The following DNAH5 variants were observed in gnomAD, a reference collection of about 807,000 sequenced individuals.
The protein encoded by DNAH5 is dynein axonemal heavy chain 5.
A neutral mutation model predicts 518.2 loss-of-function variants in DNAH5; 372 were observed. The observed-to-expected ratio is 0.72, with a 90% confidence interval of 0.66 to 0.78. DNAH5 has a LOEUF of 0.78. DNAH5 is among the 30% of genes least tolerant of loss of function. The pLI, the probability that DNAH5 is intolerant of heterozygous loss-of-function variation, is 0.00. For synonymous variants in DNAH5, 2,039 were observed against 2,025.9 expected (o/e 1.01, Z -0.17); for missense variants, 5,523 against 5,687.0 (o/e 0.97, Z 0.93).
Position 13,708,261 on chromosome 5 carries a change from C to T in DNAH5, c.13200G>A (p.Met4400Ile), listed in dbSNP as rs745462884. ...TGCGGACAAGGCTGAGTACCCTTTG[C>T]ATTCTGTCTATTTCCTGCCTGAGGA... ...NIFLRQEIDR[M>I]QRVLSLVRST... The change falls in exon 76 of 79, where the codon ATG (methionine) becomes ATA (isoleucine). Residue 4400 changes from methionine (M) to isoleucine (I), a missense_variant. By Grantham distance (10) the Met-to-Ile change is conservative (BLOSUM62 1). This residue lies in a region of DNAH5 where 387 missense variants were observed against 430.0 expected (regional missense o/e 0.90). Coordinates refer to ENST00000265104, the MANE Select transcript of DNAH5 (RefSeq NM_001369.3). The T allele has an allele frequency of 1.1e-5, 17 of 1,614,126 alleles. No individual in the cohort carries two copies. The highest frequency in any genetic ancestry group is 1.4e-5 in the Non-Finnish European group (17 of 1,180,006).
chr5:13,815,654 A>G (rs1471874246), intron 42 of DNAH5, among the ~76,000 whole-genome samples: 3 of 152,190 alleles, frequency 2.0e-5, no homozygotes, highest in Non-Finnish European at 4.4e-5. Flanking sequence ...ATCACGTTCC[A>G]GGAACAGTAA....
In DNAH5 at chr5:13,776,628, T is replaced by C. The variant is rs1044335313; in HGVS notation, c.9184A>G (p.Arg3062Gly). ...LASVMKKEFP[R>G]CLPTNENLHD... The stretch of plus-strand genomic sequence containing the variant: ...AGGTTCTCATTGGTAGGAAGGCACC[T>C]GGGGAATTCTTTTTTCATGACTGAT... Residue 3062 changes from arginine (R) to glycine (G), a missense_variant, in exon 55 of 79, where the codon AGG (arginine) becomes GGG (glycine). Physicochemically the swap from Arg to Gly is moderately radical, Grantham distance 125 (BLOSUM62 -2). Coordinates refer to ENST00000265104, the MANE Select transcript of DNAH5 (RefSeq NM_001369.3). 1 of 1,613,796 alleles carries C rather than the reference T, an allele frequency of 6.2e-7. No individual in the cohort carries two copies. The highest frequency in any genetic ancestry group is 1.3e-5 in the African/African-American group (1 of 74,894).
At chr5:13,779,766 C>T (rs1166344386) in intron 53 of DNAH5, among the ~76,000 whole-genome samples, 1 of 152,166 alleles carries the variant, frequency 6.6e-6, no homozygotes, top group Non-Finnish European at 1.5e-5. Flanking sequence ...AAGCCAGAAA[C>T]CAGGATGCAC....
In DNAH5 at chr5:13,714,526, G is replaced by T; in HGVS notation, c.13004C>A (p.Thr4335Asn). The T allele has an allele frequency of 1.9e-6, 3 of 1,614,142 alleles. No individual in the cohort carries two copies. Among genetic ancestry groups the T allele is most frequent in the Non-Finnish European group, 2.5e-6 (3 of 1,180,014 alleles). Residue 4335 changes from threonine to asparagine, a missense_variant, in exon 75 of 79, where the codon ACC (threonine) becomes AAC (asparagine). Thr to Asn is a moderately conservative substitution (Grantham distance 65). This residue lies in a region of DNAH5 where 387 missense variants were observed against 430.0 expected (regional missense o/e 0.90). Coordinates refer to ENST00000265104, the MANE Select transcript of DNAH5 (RefSeq NM_001369.3). ...GTCCTTGGGTTGGATGCCTAGGATGGTGTCCAGCACGTCCTTGGCCAGCTT... is the reference window on the plus strand; with the variant it reads ...GTCCTTGGGTTGGATGCCTAGGATGTTGTCCAGCACGTCCTTGGCCAGCTT... ...QSKLAKDVLD[T>N]ILGIQPKDTS...
intron 7 of DNAH5, among the ~76,000 whole-genome samples, chr5:13,917,817 T>C (rs756679023): frequency 2.6e-4 from 40 of 152,234 alleles, no homozygotes; most frequent in Non-Finnish European, 5.1e-4. Context: ...ATTTCTGAAC[T>C]GTATTGCAAG....
At chr5:13,789,733 C>CA (rs1220437169) in intron 50 of DNAH5, among the ~76,000 whole-genome samples, 1 of 152,022 alleles carries the variant, frequency 6.6e-6, no homozygotes. Flanking sequence ...AAATAAGCAT[C>CA]AAAAATGGCT....
At chr5:13,746,252 G>A (rs1749316999) in intron 65 of DNAH5, among the ~76,000 whole-genome samples, 1 of 152,056 alleles carries the variant, frequency 6.6e-6, no homozygotes, top group Non-Finnish European at 1.5e-5. Flanking sequence ...AGAGAGGATG[G>A]GTTGAGACAG....
chr5:13,949,085 T>G (rs912042713), upstream of DNAH5, among the ~76,000 whole-genome samples: 1 of 152,164 alleles, frequency 6.6e-6, no homozygotes, highest in Admixed American at 6.5e-5. Flanking sequence ...AAGGACACCA[T>G]TGTCAGAGAG....
chr5:13,976,710 T>TATATATATATATATATAC (rs780402172), intron 1 of DNAH5, among the ~76,000 whole-genome samples: 7 of 133,084 alleles, frequency 5.3e-5, no homozygotes, highest in East Asian at 2.4e-4. Context: ...TATATATATA[T>TATATATATATATATATAC]ACACACACAC....
chr5:13,844,327 G>T (rs755599296), intron 32 of DNAH5, among the ~76,000 whole-genome samples: 6 of 152,162 alleles, frequency 3.9e-5, no homozygotes, highest in Non-Finnish European at 7.3e-5. Flanking sequence ...TGGAGGGATG[G>T]ATTAGACAAT....
chr5:13,896,824 A>G (rs556342135), intron 15 of DNAH5: 14 of 152,336 alleles, frequency 9.2e-5, no homozygotes, highest in African/African-American at 3.4e-4. Flanking sequence ...AACCATGTCA[A>G]TATTAATAAT....
intron 1 of DNAH5, among the ~76,000 whole-genome samples, chr5:13,963,976 C>A (rs904583737): frequency 7.9e-5 from 12 of 152,132 alleles, no homozygotes; most frequent in African/African-American, 2.9e-4. Context: ...CCGCAAACTT[C>A]AATTCTGCTT....
At chr5:14,000,248 A>G (rs1465544869) in intron 1 of DNAH5, among the ~76,000 whole-genome samples, 4 of 152,166 alleles carry the variant, frequency 2.6e-5, no homozygotes, top group Non-Finnish European at 5.9e-5. Flanking sequence ...GGACACGGGG[A>G]GGACACAGCC....
intron 39 of DNAH5, 81 bp downstream of exon 39, chr5:13,824,118 A>G (rs1039712885): frequency 7.4e-7 from 1 of 1,355,238 alleles, no homozygotes; most frequent in Non-Finnish European, 1.1e-6. Context: ...CATTTTAAAT[A>G]AATATTTTGA....
intron 5 of DNAH5, 53 bp downstream of exon 5, chr5:13,922,054 T>C: frequency 6.4e-7 from 1 of 1,566,628 alleles, no homozygotes; most frequent in Admixed American, 1.7e-5. Flanking sequence ...ACTTATGTAC[T>C]GTGCTTGTTG....
intron 56 of DNAH5, 121 bp from the exon 57 acceptor site, chr5:13,769,736 C>A: frequency 1.2e-6 from 1 of 862,040 alleles, no homozygotes. Flanking sequence ...ATGCAAGTAG[C>A]AAACCCAAGA....
In DNAH5 at chr5:13,737,294, T is replaced by C. The variant is rs1424159841; in HGVS notation, c.11413A>G (p.Thr3805Ala). 6.2e-7 allele frequency: 1 copy of C among 1,614,130 alleles called. No homozygotes were observed. The highest frequency in any genetic ancestry group is 8.5e-7 in the Non-Finnish European group (1 of 1,179,984). Reference sequence around the variant, plus strand: ...CGGGCTGAGTTAATTTGAACTTCTGTCTCAGCAGAAATTTCTAGCTTCTGT... The same window carrying C: ...CGGGCTGAGTTAATTTGAACTTCTGCCTCAGCAGAAATTTCTAGCTTCTGT... Reference protein sequence around the residue: ...VTQKLEISAETEVQINSAREE... With the variant: ...VTQKLEISAEAEVQINSAREE... The change falls in exon 66 of 79, where the codon ACA becomes GCA. Residue 3805 changes from threonine (T) to alanine (A), a missense_variant. Thr to Ala is a moderately conservative substitution (Grantham distance 58). Coordinates refer to ENST00000265104, the MANE Select transcript of DNAH5 (RefSeq NM_001369.3).
In DNAH5 at chr5:13,822,578, C is replaced by T. The variant is rs77139789; in HGVS notation, c.6687+685G>A. Among the ~76,000 whole-genome samples the T allele has an allele frequency of 7.9e-3, 1,209 of 152,280 alleles. 16 individuals carry two copies. The highest frequency in any genetic ancestry group is 0.028 in the African/African-American group (1,144 of 41,558). ...ATTTGATTTTTATTATAAATATTTT[C>T]AAGGAATTGAAGTGCAATTTATAAA... is the stretch of plus-strand genomic sequence containing the variant. On this transcript the variant is annotated intron_variant, in intron 40 of 78. Coordinates refer to ENST00000265104, the MANE Select transcript of DNAH5 (RefSeq NM_001369.3).
intron 1 of DNAH5, among the ~76,000 whole-genome samples, chr5:13,975,291 C>T (rs1185422748): frequency 2.0e-5 from 3 of 152,124 alleles, no homozygotes; most frequent in Admixed American, 1.3e-4. Context: ...ACCACAAGAG[C>T]AGTGTGGGGG....
Sources: gnomAD v4.1 joint callset for allele counts (sites outside exome capture counted in the v4.1 genomes callset) on GRCh38, gnomAD v4.1.1 for gene constraint, gnomAD v4.1.1 regional missense constraint, MANE v1.5 for transcripts, NCBI Gene and HGNC (gene_info 2026-07-23, HGNC 2026-07-21) for gene names.